The following AGO4 variants were observed in gnomAD, a reference collection of about 807,000 sequenced individuals.
AGO4 encodes protein argonaute-4.
Under a neutral mutation model 104.7 loss-of-function variants are expected in AGO4, and 33 were observed. The ratio of observed to expected loss-of-function variants is 0.32; its 90% confidence interval spans 0.24 to 0.42. AGO4 has a LOEUF of 0.42. Ranked by LOEUF, AGO4 falls within the 10% of genes least tolerant of loss-of-function variation. The probability of loss-of-function intolerance (pLI) is 1.00; values close to 1 mark genes in which losing one functional copy is unlikely to be tolerated. For synonymous variants in AGO4, 331 were observed against 364.7 expected (o/e 0.91, Z 1.05); for missense variants, 711 against 1,083.4 (o/e 0.66, Z 4.83).
intron 17 of AGO4, among the ~76,000 whole-genome samples, chr1:35,851,484 G>A (rs1312708339): frequency 6.6e-6 from 1 of 152,206 alleles, no homozygotes; most frequent in Non-Finnish European, 1.5e-5. Flanking sequence ...GAACCTGGAT[G>A]TGTGTGTGGG....
intron 4 of AGO4, 88 bp downstream of exon 4, chr1:35,825,582 T>G (rs1394417137): frequency 4.5e-6 from 7 of 1,542,270 alleles, no homozygotes; most frequent in Non-Finnish European, 6.1e-6. Flanking sequence ...TCTGCATAAG[T>G]CATTGTTCAA....
chr1:35,840,960 C>G (rs1644427370), intron 13 of AGO4, among the ~76,000 whole-genome samples: 1 of 152,110 alleles, frequency 6.6e-6, no homozygotes, highest in Non-Finnish European at 1.5e-5. Flanking sequence ...TATAGAAGAG[C>G]CATGTTCACT....
At position 35,841,109 on chromosome 1, in the gene AGO4, A is replaced by C; in HGVS notation, c.1725-56A>C. ...ATATCTGGTGATATAATCTTGCTAA[A>C]CTCAAACATTTTCACTTATATGTCT... On this transcript the variant is annotated intron_variant, in intron 13 of 17. Transcript: ENST00000373210. This position sits in a 1 kb window ranked among gnomAD's most constrained non-coding sequence, Gnocchi z 4.7. 6.4e-7 allele frequency: 1 copy of C among 1,558,740 alleles called. No individual in the cohort carries two copies. The highest frequency in any genetic ancestry group is 8.8e-7 in the Non-Finnish European group (1 of 1,141,346).
At position 35,825,948 on chromosome 1, in the gene AGO4, G is replaced by T. The variant is rs745806087; in HGVS notation, c.648G>T (p.Arg216=). Residue 216 remains arginine (R), a synonymous_variant, in exon 6 of 18, where the codon CGG becomes CGT. Coordinates refer to ENST00000373210, the MANE Select transcript of AGO4 (RefSeq NM_017629.4). The part of the protein sequence containing the change: ...NIDVSATAFY[R]AQPIIEFMCE... ...TAGTATCTGCAACTGCTTTCTACCG[G>T]GCTCAGCCTATCATTGAGTTCATGT... 1.2e-6 allele frequency: 2 copies of T among 1,614,000 alleles called. No homozygotes were observed. Among genetic ancestry groups the T allele is most frequent in the Non-Finnish European group, 1.7e-6 (2 of 1,179,996 alleles).
intron 3 of AGO4, among the ~76,000 whole-genome samples, chr1:35,823,252 A>T (rs893936573): frequency 4.9e-5 from 7 of 141,630 alleles, no homozygotes; most frequent in East Asian, 2.0e-4. Context: ...ATTCTTAGAA[A>T]TTTTTTTTTT....
intron 13 of AGO4, among the ~76,000 whole-genome samples, chr1:35,839,880 T>G (rs182493513): frequency 5.2e-4 from 78 of 150,730 alleles, no homozygotes; most frequent in Admixed American, 7.3e-4. Flanking sequence ...AGTGGGAGAA[T>G]CACCTGAGTC....
chr1:35,810,789 T>TA (rs1354097150), intron 1 of AGO4, among the ~76,000 whole-genome samples: 1 of 152,180 alleles, frequency 6.6e-6, no homozygotes, highest in Non-Finnish European at 1.5e-5. Flanking sequence ...GTCATATCAG[T>TA]TGCCCTTTCA....
intron 15 of AGO4, among the ~76,000 whole-genome samples, chr1:35,849,387 A>T (rs1644647678): frequency 6.6e-6 from 1 of 151,812 alleles, no homozygotes; most frequent in South Asian, 2.1e-4. Flanking sequence ...TATTATTAAT[A>T]AAGTATTTGT....
chr1:35,826,112 G>A (rs1256454669), intron 6 of AGO4, 52 bp downstream of exon 6: 17 of 1,600,442 alleles, frequency 1.1e-5, no homozygotes, highest in South Asian at 3.3e-5. Context: ...CATGCTGCAC[G>A]TTGCCTGTGC....
At chr1:35,813,999 C>CG (rs1396146439) in intron 1 of AGO4, among the ~76,000 whole-genome samples, 3 of 150,664 alleles carry the variant, frequency 2.0e-5, no homozygotes, top group African/African-American at 7.3e-5. Context: ...CTCTTGAACC[C>CG]GGGAGGCGGA....
At chr1:35,839,555 G>A (rs1363490495) in intron 13 of AGO4, among the ~76,000 whole-genome samples, 1 of 152,052 alleles carries the variant, frequency 6.6e-6, no homozygotes, top group Non-Finnish European at 1.5e-5. Flanking sequence ...AAAATTTTAA[G>A]GACTAAATGA....
rs201957022 is a variant in AGO4 at position 35,832,524 on chromosome 1, G to A, written c.1333G>A (p.Val445Ile). 2.5e-6 allele frequency: 4 copies of A among 1,613,440 alleles called. No individual in the cohort carries two copies. In the East Asian group the frequency reaches 8.9e-5, roughly 36 times the overall value. ...YAGIEIKVWA[V>I]ACFAPQKQCR... is the part of the protein sequence containing the mutation. ...TGGCATTGAAATTAAAGTTTGGGCA[G>A]TTGCTTGTTTTGCACCTCAGAAACA... Residue 445 changes from valine (V) to isoleucine (I), a missense_variant, in exon 11 of 18, where the codon GTT becomes ATT. Physicochemically the swap from Val to Ile is conservative, Grantham distance 29. Around this residue, in one of 3 missense-constraint regions of AGO4, gnomAD observed 401 missense variants for 665.5 expected, o/e 0.60. Transcript: ENST00000373210.
intron 6 of AGO4, 36 bp downstream of exon 6, chr1:35,826,096 G>A (rs1644012999): frequency 1.9e-6 from 3 of 1,608,772 alleles, no homozygotes; most frequent in Non-Finnish European, 1.7e-6. Context: ...TGGAGAAGCA[G>A]CTCAGCATGC....
intron 17 of AGO4, 196 bp downstream of exon 17, chr1:35,851,249 T>C (rs2148689750): frequency 3.3e-6 from 2 of 612,960 alleles, no homozygotes; most frequent in East Asian, 5.7e-5. Flanking sequence ...TTTATACTTG[T>C]GTTGTGTCTC....
At chr1:35,834,296 T>G (rs1644253513) in intron 12 of AGO4, 122 bp downstream of exon 12, 1 of 906,812 alleles carries the variant, frequency 1.1e-6, no homozygotes, top group Non-Finnish European at 1.5e-6. Flanking sequence ...ACAACAAAGA[T>G]TTGTTTCTTG....
intron 12 of AGO4, among the ~76,000 whole-genome samples, chr1:35,835,006 C>T (rs144067183): frequency 1.9e-5 from 2 of 102,984 alleles, no homozygotes; most frequent in South Asian, 3.2e-4. Context: ...CAGTTTTAAA[C>T]TTTTTTTTTT....
Position 35,815,430 on chromosome 1 carries a change from A to T in AGO4, c.20-1452A>T, listed in dbSNP as rs371661700. On this transcript the variant is annotated intron_variant, in intron 1 of 17. Coordinates refer to ENST00000373210, the MANE Select transcript of AGO4 (RefSeq NM_017629.4). ...TGCTCCACAAGATCTTTTTCTGCTG[A>T]GTATTAATAGATGTTCAAATCTTAG... 2.6e-5 allele frequency among the ~76,000 whole-genome samples: 4 copies of T among 152,288 alleles called. 1 individual carries two copies. Among genetic ancestry groups the T allele is most frequent in the Admixed American group, 6.5e-5 (1 of 15,282 alleles).
intron 15 of AGO4, among the ~76,000 whole-genome samples, chr1:35,846,401 T>C (rs574929837): frequency 7.9e-5 from 12 of 151,864 alleles, no homozygotes; most frequent in African/African-American, 2.4e-4. Context: ...ATCGAGACCA[T>C]CCTGGCTACC....
At chr1:35,853,248 CAAAA>C (rs767922952) in intron 17 of AGO4, among the ~76,000 whole-genome samples, 6 of 64,946 alleles carry the variant, frequency 9.2e-5, no homozygotes, top group East Asian at 5.2e-4. Flanking sequence ...GACTCTGTCT[CAAAA>C]AAAAAAAAAA....
Sources: gnomAD v4.1 joint callset for allele counts (sites outside exome capture counted in the v4.1 genomes callset) on GRCh38, gnomAD v4.1.1 for gene constraint, gnomAD v4.1.1 regional missense constraint, Gnocchi (gnomAD v3.1) non-coding constraint, MANE v1.5 for transcripts, NCBI Gene and HGNC (gene_info 2026-07-23, HGNC 2026-07-21) for gene names.